Variants in PARD6G observed in about 807,000 individuals in gnomAD.
PARD6G encodes par-6 family cell polarity regulator gamma.
A neutral mutation model predicts 10.7 loss-of-function variants in PARD6G; 7 were observed. The ratio of observed to expected loss-of-function variants is 0.66; its 90% CI spans 0.37 to 1.23. The LOEUF is 1.23. Ranked by LOEUF, PARD6G falls within the 50% of genes most tolerant of loss-of-function variation. The pLI, the probability that PARD6G is intolerant of heterozygous loss-of-function variation, is 0.02. For synonymous variants in PARD6G, 287 were observed against 269.4 expected, an observed-to-expected ratio of 1.07 and a Z score of -0.64; for missense variants, 548 against 571.8, an observed-to-expected ratio of 0.96 and a Z score of 0.42.
chr18:80,241,849 C>T (rs1364197883), intron 1 of PARD6G, among the ~76,000 whole-genome samples: 2 of 152,188 alleles, frequency 1.3e-5, no homozygotes, highest in African/African-American at 4.8e-5. Flanking sequence ...TTCTTGCTGC[C>T]TCTAAAGGTC....
At chr18:80,217,695 CAA>C (rs1267721212) in intron 1 of PARD6G, among the ~76,000 whole-genome samples, 1 of 152,162 alleles carries the variant, frequency 6.6e-6, no homozygotes, top group Admixed American at 6.5e-5. Flanking sequence ...TCACCAAAAA[CAA>C]GAGAAGTCTG....
At chr18:80,168,573 TTGTGTGTGTGTGTGTGTGTG>T (rs3051500) in intron 2 of PARD6G, among the ~76,000 whole-genome samples, 1 of 144,336 alleles carries the variant, frequency 6.9e-6, no homozygotes, top group East Asian at 2.0e-4. Flanking sequence ...CAAATTATGT[TTGTGTGTGTGTGTGTGTGTG>T]TGTGTGTGTG....
chr18:80,222,193 T>C (rs1285092546), intron 1 of PARD6G, among the ~76,000 whole-genome samples: 10 of 152,138 alleles, frequency 6.6e-5, no homozygotes, highest in Non-Finnish European at 1.3e-4. Context: ...CAAGTGATCT[T>C]CCTGCATCAG....
chr18:80,189,289 A>C lies in PARD6G; in HGVS notation c.295+13421T>G, dbSNP rs1417620771. 1 of 152,270 alleles carries C rather than the reference A, an allele frequency of 6.6e-6. No individual in the cohort carries two copies. Among genetic ancestry groups the C allele is most frequent in the Non-Finnish European group, 1.5e-5 (1 of 68,052 alleles). 9.4% of individuals were successfully genotyped at this position (152,270 alleles called of 1,614,324 possible). On this transcript the variant is annotated intron_variant, in intron 2 of 2. Coordinates refer to ENST00000353265, the MANE Select transcript of PARD6G (RefSeq NM_032510.4). This position sits in a 1 kb window ranked among gnomAD's most constrained non-coding sequence, Gnocchi z 5.5. ...CTTCTTTCTTTTTAAAGGAGATCAC[A>C]GAAGGCCAACAAAGAGGCCTGGGGC...
intron 2 of PARD6G, among the ~76,000 whole-genome samples, chr18:80,172,971 G>C (rs1243490202): frequency 1.3e-5 from 2 of 152,126 alleles, no homozygotes; most frequent in Non-Finnish European, 2.9e-5. Context: ...TGTTGCTCTG[G>C]TAAAAACAAG....
rs2052855076 is a variant in PARD6G at position 80,182,874 on chromosome 18, T to A, written c.295+19836A>T. ...TTTTAAATCTGATGTTATAGTTTTATTTCTTAGTTCTAGGTACAGGGCTAG... is the reference window on the plus strand; with the variant it reads ...TTTTAAATCTGATGTTATAGTTTTAATTCTTAGTTCTAGGTACAGGGCTAG... On this transcript the variant is annotated intron_variant, in intron 2 of 2. Transcript: ENST00000353265. This position sits in a 1 kb window ranked among gnomAD's most constrained non-coding sequence, Gnocchi z 4.5. 2.1e-6 allele frequency: 1 copy of A among 478,722 alleles called. No individual in the cohort carries two copies. The highest frequency in any genetic ancestry group is 3.7e-6 in the Non-Finnish European group (1 of 270,964). 29.7% of individuals were successfully genotyped at this position (478,722 alleles called of 1,614,324 possible).
At chr18:80,222,134 G>C (rs1410495112) in intron 1 of PARD6G, among the ~76,000 whole-genome samples, 1 of 151,816 alleles carries the variant, frequency 6.6e-6, no homozygotes, top group Non-Finnish European at 1.5e-5. Flanking sequence ...ACCCAGGCTG[G>C]AGTGCAGTGG....
At chr18:80,232,643 C>T (rs1967372961) in intron 1 of PARD6G, among the ~76,000 whole-genome samples, 1 of 104,672 alleles carries the variant, frequency 9.6e-6, no homozygotes, top group Admixed American at 1.3e-4. Flanking sequence ...CCTCCCACAA[C>T]ACGTGGGAGT....
chr18:80,168,573 T>TTGTGTGTGTGTGTGTG (rs3051500), intron 2 of PARD6G, among the ~76,000 whole-genome samples: 9 of 144,334 alleles, frequency 6.2e-5, no homozygotes, highest in African/African-American at 2.1e-4. Context: ...CAAATTATGT[T>TTGTGTGTGTGTGTGTG]TGTGTGTGTG....
At chr18:80,208,794 G>A (rs1418722413) in intron 1 of PARD6G, among the ~76,000 whole-genome samples, 1 of 152,102 alleles carries the variant, frequency 6.6e-6, no homozygotes, top group African/African-American at 2.4e-5. Flanking sequence ...CCTGGCCTAG[G>A]TTAGTAGCAA....
rs1259379507 is a variant in PARD6G at position 80,182,673 on chromosome 18, A to C, written c.295+20037T>G. On this transcript the variant is annotated intron_variant, in intron 2 of 2. Transcript: ENST00000353265. The surrounding 1 kb of genome is among the most constrained non-coding windows in gnomAD (Gnocchi z 4.5). ...GAAAAAAGGTGCAAGTCCAACAGAC[A>C]CCCTTTCCAGTCACCTAGACATCAC... 6.6e-6 allele frequency among the ~76,000 whole-genome samples: 1 copy of C among 152,224 alleles called. No homozygotes were observed. The highest frequency in any genetic ancestry group is 1.9e-4 in the East Asian group (1 of 5,204).
intron 2 of PARD6G, chr18:80,197,717 A>G (rs1270597070): frequency 6.6e-6 from 1 of 152,056 alleles, no homozygotes; most frequent in African/African-American, 2.4e-5. Flanking sequence ...TACTGTTTGC[A>G]CTTCCTGTTT....
At chr18:80,168,506 G>C (rs1219432116) in intron 2 of PARD6G, among the ~76,000 whole-genome samples, 2 of 151,774 alleles carry the variant, frequency 1.3e-5, no homozygotes, top group African/African-American at 4.9e-5. Flanking sequence ...AATTCAAGGA[G>C]TCACATTTTT....
At chr18:80,168,573 T>TGTG (rs2052752119) in intron 2 of PARD6G, among the ~76,000 whole-genome samples, 2 of 144,336 alleles carry the variant, frequency 1.4e-5, no homozygotes, top group East Asian at 2.0e-4. Context: ...CAAATTATGT[T>TGTG]TGTGTGTGTG....
intron 1 of PARD6G, among the ~76,000 whole-genome samples, chr18:80,238,989 G>A (rs1002339427): frequency 1.3e-5 from 2 of 152,110 alleles, no homozygotes; most frequent in Non-Finnish European, 2.9e-5. Context: ...ATCAGCGAAA[G>A]CCTTTTCTTC....
chr18:80,160,659 C>A, intron 2 of PARD6G, 53 bp from the exon 3 acceptor site: 1 of 1,427,414 alleles, frequency 7.0e-7, no homozygotes, highest in East Asian at 2.6e-5. Context: ...CCGCCTGAGC[C>A]CTCGGCCGTC....
At chr18:80,218,126 GC>G (rs1380516568) in intron 1 of PARD6G, among the ~76,000 whole-genome samples, 3 of 151,896 alleles carry the variant, frequency 2.0e-5, no homozygotes, top group Non-Finnish European at 4.4e-5. Context: ...TTCCACCCTG[GC>G]CCCTCCAAAA....
intron 2 of PARD6G, among the ~76,000 whole-genome samples, chr18:80,163,592 G>GGGCCAGGTGGA (rs1207773363): frequency 1.6e-4 from 25 of 152,226 alleles, no homozygotes; most frequent in African/African-American, 6.0e-4. Context: ...TGCGTCACAA[G>GGGCCAGGTGGA]GGCCAGGTGG....
chr18:80,205,012 C>A (rs760465068), intron 1 of PARD6G, among the ~76,000 whole-genome samples: 3 of 152,058 alleles, frequency 2.0e-5, no homozygotes, highest in Non-Finnish European at 4.4e-5. Flanking sequence ...CTAATCAAAG[C>A]CCCTCTAACC....
Sources: allele counts gnomAD v4.1 joint callset (sites outside exome capture counted in the v4.1 genomes callset), GRCh38; gene constraint gnomAD v4.1.1; non-coding constraint Gnocchi (gnomAD v3.1); transcripts MANE v1.5; gene names NCBI Gene and HGNC (gene_info 2026-07-23, HGNC 2026-07-21).